The following OXR1 variants were observed in gnomAD, a reference collection of about 807,000 sequenced individuals.
OXR1 encodes oxidation resistance 1.
Under a neutral mutation model 104.6 loss-of-function variants are expected in OXR1, and 41 were observed. That is an observed-to-expected ratio of 0.39 (90% CI 0.31 to 0.51). The LOEUF (loss-of-function observed/expected upper bound fraction) is 0.51. Ranked by LOEUF, OXR1 falls within the 20% of genes least tolerant of loss-of-function variation. OXR1 has a pLI of 0.77. For synonymous variants in OXR1, 348 were observed against 348.4 expected (o/e 1.00, Z 0.01); for missense variants, 955 against 1,031.9 (o/e 0.93, Z 1.02).
chr8:106,547,496 T>A (rs1164675200), intron 3 of OXR1, among the ~76,000 whole-genome samples: 1 of 126,904 alleles, frequency 7.9e-6, no homozygotes, highest in African/African-American at 2.8e-5. Flanking sequence ...TTCTTTCTTT[T>A]TTTTTTTTTT....
intron 6 of OXR1, among the ~76,000 whole-genome samples, chr8:106,690,576 G>GTT (rs575729668): frequency 6.4e-5 from 9 of 140,818 alleles, no homozygotes; most frequent in South Asian, 2.3e-4. Flanking sequence ...CTAGATGAGA[G>GTT]TTTTTTTTTT....
At chr8:106,551,831 T>TATATGTGTAC (rs1323676384) in intron 3 of OXR1, among the ~76,000 whole-genome samples, 1 of 145,604 alleles carries the variant, frequency 6.9e-6, no homozygotes, top group Non-Finnish European at 1.5e-5. Flanking sequence ...CACACACATA[T>TATATGTGTAC]ATATATGTGT....
At chr8:106,501,462 G>A (rs928346640) in intron 2 of OXR1, among the ~76,000 whole-genome samples, 7 of 152,210 alleles carry the variant, frequency 4.6e-5, no homozygotes, top group African/African-American at 1.7e-4. Context: ...AGCCAATGGA[G>A]TGACGGACAC....
chr8:106,714,803 G>A (rs76130883), intron 11 of OXR1, among the ~76,000 whole-genome samples: 1 of 152,100 alleles, frequency 6.6e-6, no homozygotes, highest in South Asian at 2.1e-4. Flanking sequence ...GGCTGTTAAT[G>A]TGATATGAAT....
Position 106,739,734 on chromosome 8 carries a change from T to G in OXR1, c.2163+151T>G, listed in dbSNP as rs1834756310. ...GAAAGAGTAAGCAAAACATAGCAACTAGTGTTAATTAAGATGTTAGGAGAT... is the reference window on the plus strand; with the variant it reads ...GAAAGAGTAAGCAAAACATAGCAACGAGTGTTAATTAAGATGTTAGGAGAT... On this transcript the variant is annotated intron_variant, in intron 13 of 16. Transcript: ENST00000517566. The G allele has an allele frequency of 6.1e-6, 4 of 655,934 alleles. No individual in the cohort carries two copies. The South Asian group carries it at 6.5e-5, about 11-fold the overall frequency. 40.6% of individuals were successfully genotyped at this position (655,934 alleles called of 1,614,324 possible). A position where few individuals can be genotyped will look rare whatever the true frequency, so the allele number is the denominator to read the frequency against.
intron 2 of OXR1, among the ~76,000 whole-genome samples, chr8:106,489,299 G>A (rs1272181623): frequency 6.6e-6 from 1 of 152,120 alleles, no homozygotes; most frequent in African/African-American, 2.4e-5. Context: ...TGCTGAAGTT[G>A]CTTAACCAGG....
Position 106,305,314 on chromosome 8 carries a change from A to C in OXR1, c.-139+34947A>C, listed in dbSNP as rs529113332. Among the ~76,000 whole-genome samples the C allele has an allele frequency of 1.1e-4, 17 of 152,290 alleles. 1 individual carries two copies. The highest frequency in any genetic ancestry group is 4.1e-4 in the African/African-American group (17 of 41,596). The stretch of plus-strand genomic sequence containing the variant: ...AGAGATAATAAAAAAGTTGATGTGT[A>C]TTTACAGCTTAAGGTCCATCATGGG... On this transcript the variant is annotated intron_variant, in intron 1 of 16. Coordinates refer to ENST00000517566, the MANE Select transcript of OXR1 (RefSeq NM_001198533.2).
At chr8:106,315,388 C>T (rs1040361047) in intron 1 of OXR1, among the ~76,000 whole-genome samples, 1 of 152,090 alleles carries the variant, frequency 6.6e-6, no homozygotes, top group African/African-American at 2.4e-5. Context: ...GAAATTAACT[C>T]ATTTAATATA....
chr8:106,547,417 G>A (rs1414147805), intron 3 of OXR1, among the ~76,000 whole-genome samples: 1 of 151,744 alleles, frequency 6.6e-6, no homozygotes, highest in Admixed American at 6.6e-5. Flanking sequence ...ATTTGTAACT[G>A]GCTTATTCAG....
At chr8:106,715,767 A>G (rs1832182334) in intron 11 of OXR1, among the ~76,000 whole-genome samples, 1 of 152,080 alleles carries the variant, frequency 6.6e-6, no homozygotes, top group African/African-American at 2.4e-5. Context: ...ATAAGAGACT[A>G]TTGACTATTT....
intron 11 of OXR1, among the ~76,000 whole-genome samples, chr8:106,723,264 GGTGGATCAT>G (rs1312528585): frequency 6.6e-6 from 1 of 152,038 alleles, no homozygotes; most frequent in Admixed American, 6.5e-5. Context: ...GGCCGAGGCA[GGTGGATCAT>G]GAGGTCAGGA....
At chr8:106,665,098 A>G (rs1826143599) in intron 3 of OXR1, among the ~76,000 whole-genome samples, 1 of 152,236 alleles carries the variant, frequency 6.6e-6, no homozygotes, top group African/African-American at 2.4e-5. Context: ...TTATTTACTC[A>G]GTTATTCCAG....
intron 3 of OXR1, among the ~76,000 whole-genome samples, chr8:106,592,459 AT>A (rs1370156036): frequency 6.6e-6 from 1 of 152,124 alleles, no homozygotes; most frequent in Non-Finnish European, 1.5e-5. Context: ...ACAGATGAAG[AT>A]ATTGAGGCAG....
chr8:106,422,968 C>T (rs924123250), intron 2 of OXR1, among the ~76,000 whole-genome samples: 2 of 152,088 alleles, frequency 1.3e-5, no homozygotes, highest in African/African-American at 4.8e-5. Flanking sequence ...GAGAGACAAT[C>T]CCCTGGCTGG....
At chr8:106,452,308 C>A (rs184306569) in intron 2 of OXR1, among the ~76,000 whole-genome samples, 61 of 152,248 alleles carry the variant, frequency 4.0e-4, no homozygotes, top group Non-Finnish European at 7.2e-4. Context: ...TTAAAGACAG[C>A]ACTATCTTTT....
intron 2 of OXR1, among the ~76,000 whole-genome samples, chr8:106,452,894 T>C (rs2130621901): frequency 6.6e-6 from 1 of 152,150 alleles, no homozygotes; most frequent in African/African-American, 2.4e-5. Context: ...TAAATTGATA[T>C]CTTTTAATAG....
chr8:106,741,118 G>A (rs1834883963), intron 14 of OXR1, among the ~76,000 whole-genome samples: 1 of 152,072 alleles, frequency 6.6e-6, no homozygotes, highest in Non-Finnish European at 1.5e-5. Flanking sequence ...TTATATTAAA[G>A]AATGAGTCAA....
chr8:106,565,876 G>C (rs1388087454), intron 3 of OXR1, among the ~76,000 whole-genome samples: 1 of 152,062 alleles, frequency 6.6e-6, no homozygotes, highest in Non-Finnish European at 1.5e-5. Context: ...AATAGGGAAA[G>C]GATTCCCTAT....
At chr8:106,684,808 G>A (rs1384329002) in intron 6 of OXR1, among the ~76,000 whole-genome samples, 3 of 152,094 alleles carry the variant, frequency 2.0e-5, no homozygotes, top group Non-Finnish European at 2.9e-5. Flanking sequence ...AATTGACATA[G>A]TAGATTAATT....
Sources: allele counts gnomAD v4.1 joint callset (sites outside exome capture counted in the v4.1 genomes callset), GRCh38; gene constraint gnomAD v4.1.1; transcripts MANE v1.5; gene names NCBI Gene and HGNC (gene_info 2026-07-23, HGNC 2026-07-21).